The following TFIP11 variants were observed in gnomAD, a reference collection of about 807,000 sequenced individuals.
The protein encoded by TFIP11 is tuftelin interacting protein 11.
TFIP11 carries 86 observed loss-of-function variants against 96.8 expected under a neutral mutation model. The ratio of observed to expected loss-of-function variants is 0.89; its 90% CI spans 0.75 to 1.06. TFIP11 has a LOEUF of 1.06. Among genes scored for constraint, TFIP11 ranks in the 50% least tolerant of loss-of-function variants. The pLI is 0.00. For missense variants in TFIP11, 881 were observed against 1,076.7 expected (o/e 0.82, Z 2.54); for synonymous variants, 405 against 395.2 (o/e 1.02, Z -0.29).
Position 26,491,590 on chromosome 22 carries a change from T to G in TFIP11, c.*423A>C, listed in dbSNP as rs774122604. The G allele has an allele frequency of 6.2e-7, 1 of 1,614,198 alleles. No individual in the cohort carries two copies. Among genetic ancestry groups the G allele is most frequent in the Admixed American group, 1.7e-5 (1 of 60,020 alleles). ...CAGCTCTCCATAGATATTTGGGAGT[T>G]TCGGGAAGAACCAGATTATCAGGAC... On this transcript the variant is annotated 3_prime_UTR_variant, in exon 15 of 15. Coordinates refer to ENST00000407690, the MANE Select transcript of TFIP11 (RefSeq NM_012143.4).
In TFIP11 at chr22:26,491,744, G is replaced by T. The variant is rs1026866337; in HGVS notation, c.*269C>A. On this transcript the variant is annotated 3_prime_UTR_variant, in exon 15 of 15. Coordinates refer to ENST00000407690, the MANE Select transcript of TFIP11 (RefSeq NM_012143.4). ...AGAGACTAAAGGGAAGGCTGCTATG[G>T]AGGAACTACAGAGAACTCCTTTGCC... The T allele has an allele frequency of 2.2e-6, 3 of 1,392,512 alleles. No individual in the cohort carries two copies. Among genetic ancestry groups the T allele is most frequent in the Non-Finnish European group, 3.0e-6 (3 of 1,009,614 alleles). 86.3% of individuals were successfully genotyped at this position (1,392,512 alleles called of 1,614,324 possible). A position where few individuals can be genotyped will look rare whatever the true frequency, so the allele number is the denominator to read the frequency against.
At chr22:26,498,821 C>T in intron 10 of TFIP11, 48 bp downstream of exon 10, 1 of 1,485,250 alleles carries the variant, frequency 6.7e-7, no homozygotes, top group Non-Finnish European at 9.4e-7. Context: ...CCTTCCCAAC[C>T]CCCCAGGAGA....
In TFIP11 at chr22:26,509,685, G is replaced by A. The variant is rs183352462; in HGVS notation, c.209+379C>T. ...AGCCTGGCCAACATGGCAAAACCCCGTCTCTACTAATAATACAAACATTAG... is the reference window on the plus strand; with the variant it reads ...AGCCTGGCCAACATGGCAAAACCCCATCTCTACTAATAATACAAACATTAG... On this transcript the variant is annotated intron_variant, in intron 4 of 14. Transcript: ENST00000407690. 6.3e-4 allele frequency among the ~76,000 whole-genome samples: 96 copies of A among 152,100 alleles called. 1 individual carries two copies. The highest frequency in any genetic ancestry group is 6.8e-3 in the Middle Eastern group (2 of 294).
Position 26,506,412 on chromosome 22 carries a change from T to C in TFIP11, c.411A>G (p.Lys137=), listed in dbSNP as rs1923416628. ...CCCAGCTGCCGAAGTCCATGAAAGA[T>C]TTGGTTCCTCCTGCAAAACCTTTCT... ...PSQKGFAGGT[K]SFMDFGSWER... is the part of the protein sequence containing the mutation. Residue 137 remains lysine (K), a synonymous_variant, in exon 6 of 15, where the codon AAA becomes AAG. Transcript: ENST00000407690. The C allele has an allele frequency of 6.2e-7, 1 of 1,613,904 alleles. No homozygotes were observed. The highest frequency in any genetic ancestry group is 8.5e-7 in the Non-Finnish European group (1 of 1,179,978).
rs769842402 is a variant in TFIP11 at position 26,510,233 on chromosome 22, T to C, written c.40A>G (p.Ile14Val). The C allele has an allele frequency of 3.7e-6, 6 of 1,613,974 alleles. No individual in the cohort carries two copies. The South Asian group carries it at 5.5e-5, about 15-fold the overall frequency. ...TCCCGCTCGTCATCATCATCATCAA[T>C]GCGGCCTTCCCCATCCCGGTATAAG... ...SHLYRDGEGRIDDDDDERENF... is the reference protein window; with the variant it reads ...SHLYRDGEGRVDDDDDERENF... The change falls in exon 4 of 15, where the codon ATT becomes GTT. Residue 14 changes from isoleucine to valine, a missense_variant. Ile to Val is a conservative substitution (Grantham distance 29). Transcript: ENST00000407690.
intron 5 of TFIP11, 37 bp downstream of exon 5, chr22:26,506,738 G>A: frequency 6.2e-7 from 1 of 1,610,426 alleles, no homozygotes; most frequent in South Asian, 1.1e-5. Flanking sequence ...ACCTTTGAAG[G>A]ATATTCCTAG....
intron 4 of TFIP11, among the ~76,000 whole-genome samples, chr22:26,508,176 C>T (rs904524530): frequency 4.6e-5 from 7 of 152,188 alleles, no homozygotes; most frequent in Non-Finnish European, 1.0e-4. Flanking sequence ...CCTAGTAATT[C>T]AACACCCTCA....
chr22:26,510,348 G>A, intron 3 of TFIP11, 67 bp from the exon 4 acceptor site: 1 of 1,430,420 alleles, frequency 7.0e-7, no homozygotes, highest in African/African-American at 1.4e-5. Context: ...GATTCCTTGT[G>A]AGTCTCTATT....
chr22:26,507,801 T>C (rs1231122729), intron 4 of TFIP11, among the ~76,000 whole-genome samples: 2 of 152,148 alleles, frequency 1.3e-5, no homozygotes, highest in Non-Finnish European at 2.9e-5. Flanking sequence ...ATTTGTACTG[T>C]GTGGTTTAAA....
At chr22:26,506,192 C>T in intron 6 of TFIP11, 111 bp downstream of exon 6, 1 of 1,228,220 alleles carries the variant, frequency 8.1e-7, no homozygotes, top group Non-Finnish European at 1.1e-6. Flanking sequence ...GCAAACCAGG[C>T]TGGAGAGATA....
intron 11 of TFIP11, 39 bp downstream of exon 11, chr22:26,496,682 A>G (rs1922096178): frequency 6.2e-7 from 1 of 1,607,080 alleles, no homozygotes; most frequent in East Asian, 2.2e-5. Flanking sequence ...AGTCCCTGTG[A>G]TTAGTGATGA....
chr22:26,510,328 G>A, intron 3 of TFIP11, 47 bp from the exon 4 acceptor site: 1 of 1,557,236 alleles, frequency 6.4e-7, no homozygotes, highest in Non-Finnish European at 8.8e-7. Flanking sequence ...CCTGGGGGCA[G>A]CAGTCGAAGG....
chr22:26,498,151 A>G (rs5761564), intron 10 of TFIP11, among the ~76,000 whole-genome samples: 122,130 of 152,192 alleles, frequency 0.8, 50,112 homozygotes, highest in South Asian at 0.88. Context: ...GTTCTCACTT[A>G]TAAGTGGAAG....
chr22:26,498,362 G>A (rs777106598), intron 10 of TFIP11, among the ~76,000 whole-genome samples: 7 of 152,124 alleles, frequency 4.6e-5, no homozygotes, highest in Non-Finnish European at 1.0e-4. Flanking sequence ...GGCCAACATG[G>A]TGAAACCCTG....
Position 26,494,246 on chromosome 22 carries a change from A to C in TFIP11, c.2051T>G (p.Leu684Arg). ...PNYEEITKWYLGWKSMFSDQV... is the reference protein window; with the variant it reads ...PNYEEITKWYRGWKSMFSDQV... ...GTCTGAGAACATCGACTTCCAACCC[A>C]GGTACCACTTGGTGATCTCCTCATA... is the stretch of plus-strand genomic sequence containing the variant. Residue 684 changes from leucine to arginine, a missense_variant, in exon 14 of 15, where the codon CTG becomes CGG. Transcript: ENST00000407690. The C allele has an allele frequency of 1.2e-6, 2 of 1,614,244 alleles. No homozygotes were observed. The highest frequency in any genetic ancestry group is 1.7e-6 in the Non-Finnish European group (2 of 1,180,048).
intron 7 of TFIP11, 41 bp downstream of exon 7, chr22:26,503,625 G>A: frequency 6.2e-7 from 1 of 1,609,484 alleles, no homozygotes; most frequent in Non-Finnish European, 8.5e-7. Context: ...ATTAGAAATG[G>A]ACAGGACACC....
At position 26,498,970 on chromosome 22, in the gene TFIP11, G is replaced by A; in HGVS notation, c.1335C>T (p.Cys445=). 1 of 1,613,904 alleles carries A rather than the reference G, an allele frequency of 6.2e-7. No individual in the cohort carries two copies. The highest frequency in any genetic ancestry group is 8.5e-7 in the Non-Finnish European group (1 of 1,179,928). Residue 445 remains cysteine (C), a synonymous_variant, in exon 10 of 15, where the codon TGC becomes TGT. Coordinates refer to ENST00000407690, the MANE Select transcript of TFIP11 (RefSeq NM_012143.4). ...YFKEWDPLKD[C]TYGTEIISKW... ...TAGAGATGATCTCGGTGCCATAAGT[G>A]CAGTCCTGAGGAGAAAGGTGAGCAG...
chr22:26,504,584 G>A (rs73421322), intron 6 of TFIP11, among the ~76,000 whole-genome samples: 2,257 of 152,172 alleles, frequency 0.015, 58 homozygotes, highest in African/African-American at 0.051. Flanking sequence ...TGGCAGGGTT[G>A]AGCCCAGGAG....
At chr22:26,502,583 G>C (rs929991347) in intron 7 of TFIP11, among the ~76,000 whole-genome samples, 1 of 152,130 alleles carries the variant, frequency 6.6e-6, no homozygotes, top group Admixed American at 6.5e-5. Flanking sequence ...GCCTGTTTAC[G>C]AACACAAATT....
Sources: allele counts gnomAD v4.1 joint callset (sites outside exome capture counted in the v4.1 genomes callset), GRCh38; gene constraint gnomAD v4.1.1; transcripts MANE v1.5; gene names NCBI Gene and HGNC (gene_info 2026-07-23, HGNC 2026-07-21).